Variants in UNC13A observed in about 807,000 individuals in gnomAD.
The protein encoded by UNC13A is unc-13 homolog A.
UNC13A carries 61 observed loss-of-function variants against 219.7 expected under a neutral mutation model. The observed-to-expected ratio is 0.28, with a 90% CI of 0.23 to 0.34. UNC13A has a LOEUF of 0.34. Ranked by LOEUF, UNC13A falls within the 10% of genes least tolerant of loss-of-function variation. The pLI, the probability that UNC13A is intolerant of heterozygous loss-of-function variation, is 1.00. For synonymous variants in UNC13A, 920 were observed against 884.6 expected (o/e 1.04, Z -0.71); for missense variants, 1,476 against 2,270.3 (o/e 0.65, Z 7.11).
intron 42 of UNC13A, among the ~76,000 whole-genome samples, chr19:17,610,986 T>C (rs1186132399): frequency 2.0e-5 from 3 of 152,024 alleles, no homozygotes; most frequent in Non-Finnish European, 2.9e-5. Context: ...TGTGCTGTGA[T>C]TGCACCACAG....
At chr19:17,631,166 C>T (rs2076844016) in intron 28 of UNC13A, among the ~76,000 whole-genome samples, 1 of 24,218 alleles carries the variant, frequency 4.1e-5, no homozygotes, top group Non-Finnish European at 1.1e-4. Flanking sequence ...TCCCTCCCTC[C>T]CTCCCTCCCT....
At chr19:17,620,358 G>A (rs1336369037) in intron 38 of UNC13A, among the ~76,000 whole-genome samples, 1 of 152,064 alleles carries the variant, frequency 6.6e-6, no homozygotes, top group Non-Finnish European at 1.5e-5. Context: ...TATCATCTTG[G>A]CTGTTACTAT....
intron 2 of UNC13A, 142 bp downstream of exon 2, chr19:17,675,870 T>A (rs1418428324): frequency 8.7e-7 from 1 of 1,144,354 alleles, no homozygotes; most frequent in East Asian, 2.6e-5. Flanking sequence ...CCTCCCCCTA[T>A]TTAATCTTCT....
Position 17,627,773 on chromosome 19 carries a change from G to A in UNC13A, c.3831+90C>T, listed in dbSNP as rs1300789708. ...TGGTTGAGCTGGAATTCATCCCCAG[G>A]CCTGGTGGCATATGAGCTCAGGGGC... On this transcript the variant is annotated intron_variant, in intron 32 of 43. Coordinates refer to ENST00000519716, the MANE Select transcript of UNC13A (RefSeq NM_001080421.3). This position sits in a 1 kb window ranked among gnomAD's most constrained non-coding sequence, Gnocchi z 4.7. 1.4e-6 allele frequency: 2 copies of A among 1,416,902 alleles called. No homozygotes were observed. The highest frequency in any genetic ancestry group is 1.9e-6 in the Non-Finnish European group (2 of 1,029,060). The allele number at this position is 1,416,902 out of a possible 1,614,324, so 87.8% of individuals were successfully genotyped here. A position where few individuals can be genotyped will look rare whatever the true frequency, so the allele number is the denominator to read the frequency against.
chr19:17,674,633 T>C lies in UNC13A; in HGVS notation c.152+24A>G, dbSNP rs770769957. On this transcript the variant is annotated intron_variant, in intron 3 of 43. Coordinates refer to ENST00000519716, the MANE Select transcript of UNC13A (RefSeq NM_001080421.3). The surrounding 1 kb of genome is among the most constrained non-coding windows in gnomAD (Gnocchi z 5.0). ...TGCTGGGCTATGCCAGGGAGTGAGG[T>C]CATGCCAGACGCTGCAGACTCACAA... 1 of 1,609,220 alleles carries C rather than the reference T, an allele frequency of 6.2e-7. No homozygotes were observed. Among genetic ancestry groups the C allele is most frequent in the Non-Finnish European group, 8.5e-7 (1 of 1,176,416 alleles).
chr19:17,651,805 T>G (rs11673282), intron 12 of UNC13A, among the ~76,000 whole-genome samples: 1 of 151,940 alleles, frequency 6.6e-6, no homozygotes, highest in African/African-American at 2.4e-5. Flanking sequence ...TCCCAGCTGC[T>G]GTCTCCCTGC....
intron 25 of UNC13A, 130 bp downstream of exon 25, chr19:17,638,953 A>G (rs562730647): frequency 1.9e-4 from 212 of 1,131,422 alleles, no homozygotes; most frequent in Admixed American, 2.5e-4. Context: ...ATGTGGGTTA[A>G]TGACCCCATT....
At chr19:17,629,173 G>A (rs1211027177) in intron 31 of UNC13A, 67 bp downstream of exon 31, 2 of 1,402,610 alleles carry the variant, frequency 1.4e-6, no homozygotes, top group African/African-American at 2.8e-5. Flanking sequence ...GCCCTGGGGA[G>A]AAGGGAGTCC....
At chr19:17,671,846 G>C (rs1283890341) in intron 4 of UNC13A, among the ~76,000 whole-genome samples, 1 of 152,168 alleles carries the variant, frequency 6.6e-6, no homozygotes, top group East Asian at 1.9e-4. Flanking sequence ...TGAGGGGCCA[G>C]GGTTGTTACC....
At chr19:17,675,607 G>A (rs1443372415) in intron 2 of UNC13A, among the ~76,000 whole-genome samples, 1 of 148,266 alleles carries the variant, frequency 6.7e-6, no homozygotes, top group African/African-American at 2.5e-5. Context: ...CTCCAGCCTG[G>A]GCAACAGAAG....
chr19:17,629,359 C>G (rs991735317), intron 30 of UNC13A, 36 bp from the exon 31 acceptor site: 10 of 1,581,788 alleles, frequency 6.3e-6, no homozygotes, highest in African/African-American at 2.7e-5. Flanking sequence ...AGAGGAGAGG[C>G]TGGCACCAAG....
chr19:17,647,544 C>G, intron 16 of UNC13A, 52 bp from the exon 17 acceptor site: 1 of 1,562,370 alleles, frequency 6.4e-7, no homozygotes, highest in South Asian at 1.1e-5. Flanking sequence ...CATAGTGGCC[C>G]CTCACCAAGG....
chr19:17,649,524 T>C lies in UNC13A; in HGVS notation c.1503A>G (p.Pro501=). The C allele has an allele frequency of 6.2e-7, 1 of 1,613,658 alleles. No individual in the cohort carries two copies. Among genetic ancestry groups the C allele is most frequent in the South Asian group, 1.1e-5 (1 of 91,068 alleles). Residue 501 remains proline, a synonymous_variant, in exon 13 of 44, where the codon CCA becomes CCG. Coordinates refer to ENST00000519716, the MANE Select transcript of UNC13A (RefSeq NM_001080421.3). The surrounding 1 kb of genome is among the most constrained non-coding windows in gnomAD (Gnocchi z 4.4). ...GGGTGCTTACCAAGTCGCTCACGAG[T>C]GGGATAGGTTTCCTCTTGCGGATGT... ...MPDIRKRKPI[P]LVSDLAMSLV...
chr19:17,651,563 G>T (rs2079349041), intron 12 of UNC13A, among the ~76,000 whole-genome samples: 1 of 152,202 alleles, frequency 6.6e-6, no homozygotes, highest in African/African-American at 2.4e-5. Context: ...ATAGGTGCCT[G>T]CAGCCAATGA....
intron 8 of UNC13A, among the ~76,000 whole-genome samples, chr19:17,661,584 C>T (rs974793413): frequency 8.6e-5 from 13 of 151,866 alleles, no homozygotes; most frequent in Admixed American, 8.5e-4. Context: ...ATCCCAACTA[C>T]TCGGGAGGCT....
chr19:17,623,561 TG>T lies in UNC13A; in HGVS notation c.4198-15del. 5.2e-6 allele frequency: 2 copies of T among 383,144 alleles called. No homozygotes were observed. Among genetic ancestry groups the T allele is most frequent in the Non-Finnish European group, 8.3e-6 (2 of 239,872 alleles). 23.7% of individuals were successfully genotyped at this position (383,144 alleles called of 1,614,324 possible). On this transcript the variant is annotated splice_polypyrimidine_tract_variant and intron_variant, in intron 35 of 43. Coordinates refer to ENST00000519716, the MANE Select transcript of UNC13A (RefSeq NM_001080421.3). ...ACTTACGATCATCTGTCATCCGTGA[TG>T]GGGGCGGGGCGGTGGGGGAGGGGGG...
chr19:17,656,519 A>G lies in UNC13A; in HGVS notation c.768-121T>C, dbSNP rs549532183. On this transcript the variant is annotated intron_variant, in intron 9 of 43. Transcript: ENST00000519716. ...CCTACGATGTGCCAGGTCCTGCTCT[A>G]GGGGCTGGAAAACACAGCCATGATC... The G allele has an allele frequency of 1.1e-4, 114 of 1,081,384 alleles. No homozygotes were observed. In the Middle Eastern group the frequency reaches 3.2e-3, roughly 30 times the overall value. 67.0% of individuals were successfully genotyped at this position (1,081,384 alleles called of 1,614,324 possible). A position where few individuals can be genotyped will look rare whatever the true frequency, so the allele number is the denominator to read the frequency against.
chr19:17,641,371 G>A, intron 21 of UNC13A, 22 bp downstream of exon 21: 1 of 1,608,658 alleles, frequency 6.2e-7, no homozygotes, highest in South Asian at 1.1e-5. Flanking sequence ...CTTGTTTCCT[G>A]CACCCCAGCC....
Position 17,606,324 on chromosome 19 carries a change from G to A in UNC13A, c.4842C>T (p.Cys1614=). 1 of 1,548,334 alleles carries A rather than the reference G, an allele frequency of 6.5e-7. No individual in the cohort carries two copies. Among genetic ancestry groups the A allele is most frequent in the Non-Finnish European group, 8.7e-7 (1 of 1,147,646 alleles). The change falls in exon 44 of 44, where the codon TGC becomes TGT. Residue 1614 remains cysteine, a synonymous_variant. Transcript: ENST00000519716. ...CCTTGACGCACACCTGCAGCTCATAGCACTCGGGACCCGCGTCGGCGCTCA... is the reference window on the plus strand; with the variant it reads ...CCTTGACGCACACCTGCAGCTCATAACACTCGGGACCCGCGTCGGCGCTCA... ...FTLSADAGPE[C]YELQVCVKDY...
Sources: gnomAD v4.1 joint callset for allele counts (sites outside exome capture counted in the v4.1 genomes callset) on GRCh38, gnomAD v4.1.1 for gene constraint, Gnocchi (gnomAD v3.1) non-coding constraint, MANE v1.5 for transcripts, NCBI Gene and HGNC (gene_info 2026-07-23, HGNC 2026-07-21) for gene names.